Variants in SPOCK3 observed in about 807,000 individuals in gnomAD.
SPOCK3 encodes testican-3.
A neutral mutation model predicts 56.6 loss-of-function variants in SPOCK3; 30 were observed. The observed-to-expected ratio is 0.53, with a 90% CI of 0.40 to 0.72. The LOEUF (loss-of-function observed/expected upper bound fraction) is 0.72, where lower values mean the gene tolerates loss of function less well. SPOCK3 is among the 30% of genes least tolerant of loss of function. The pLI is 0.00. For missense variants in SPOCK3, 527 were observed against 530.0 expected (o/e 0.99, Z 0.06); for synonymous variants, 196 against 183.3 (o/e 1.07, Z -0.56).
At chr4:167,071,241 TTTTG>T (rs1350529097) in intron 2 of SPOCK3, among the ~76,000 whole-genome samples, 12 of 152,022 alleles carry the variant, frequency 7.9e-5, no homozygotes, top group East Asian at 2.0e-4. Flanking sequence ...ATTAAGAATC[TTTTG>T]TTTGTTTTAT....
At chr4:167,128,509 G>T (rs186145741) in intron 2 of SPOCK3, among the ~76,000 whole-genome samples, 1 of 152,030 alleles carries the variant, frequency 6.6e-6, no homozygotes, top group Non-Finnish European at 1.5e-5. Context: ...GCCCATTCCC[G>T]TATAGCATAT....
At chr4:166,755,282 C>T (rs1736924231) in intron 7 of SPOCK3, among the ~76,000 whole-genome samples, 2 of 151,972 alleles carry the variant, frequency 1.3e-5, no homozygotes, top group Non-Finnish European at 2.9e-5. Context: ...TTTACACAGC[C>T]ACTTGGTCTC....
At chr4:167,199,689 GAAAT>G (rs970383255) in intron 2 of SPOCK3, among the ~76,000 whole-genome samples, 12 of 131,528 alleles carry the variant, frequency 9.1e-5, no homozygotes, top group African/African-American at 3.5e-4. Flanking sequence ...TATAATGTGT[GAAAT>G]AAATAATAAT....
chr4:167,220,443 A>ATCACGGC (rs112552163), intron 2 of SPOCK3, among the ~76,000 whole-genome samples: 24,201 of 146,480 alleles, frequency 0.17, 2,281 homozygotes, highest in Admixed American at 0.25. Context: ...CAGTGGTGTG[A>ATCACGGC]TCACGGCTCA....
chr4:167,009,207 AGGCTAGGATCT>A (rs1056363004), intron 3 of SPOCK3, among the ~76,000 whole-genome samples: 153 of 152,226 alleles, frequency 1.0e-3, no homozygotes, highest in African/African-American at 3.5e-3. Context: ...ACTAAACCAT[AGGCTAGGATCT>A]GGCAATTTTA....
At chr4:167,122,964 T>TA (rs35809046) in intron 2 of SPOCK3, among the ~76,000 whole-genome samples, 17 of 148,246 alleles carry the variant, frequency 1.1e-4, no homozygotes, top group East Asian at 7.9e-4. Context: ...AATAATTAAA[T>TA]AAAAAAAAAT....
At chr4:166,954,160 C>T (rs953635751) in intron 4 of SPOCK3, among the ~76,000 whole-genome samples, 3 of 152,058 alleles carry the variant, frequency 2.0e-5, no homozygotes, top group Admixed American at 2.0e-4. Context: ...TATCTGAGTT[C>T]CTTTTATAAT....
At chr4:167,076,113 C>A (rs765326506) in intron 2 of SPOCK3, among the ~76,000 whole-genome samples, 9 of 151,816 alleles carry the variant, frequency 5.9e-5, no homozygotes, top group Non-Finnish European at 1.3e-4. Context: ...ACTATGGAGG[C>A]ATGAAAAGAT....
At chr4:166,795,413 C>T (rs867748286) in intron 6 of SPOCK3, among the ~76,000 whole-genome samples, 2 of 152,196 alleles carry the variant, frequency 1.3e-5, no homozygotes, top group African/African-American at 4.8e-5. Context: ...TCAGTAACTT[C>T]CATAAGCCCA....
At chr4:166,855,830 A>G (rs555435931) in intron 6 of SPOCK3, among the ~76,000 whole-genome samples, 7 of 152,278 alleles carry the variant, frequency 4.6e-5, no homozygotes, top group Middle Eastern at 3.4e-3. Context: ...CCAAGTTTCT[A>G]ACACTTTCTC....
At chr4:166,779,083 G>C (rs1739890013) in intron 7 of SPOCK3, among the ~76,000 whole-genome samples, 1 of 152,076 alleles carries the variant, frequency 6.6e-6, no homozygotes. Flanking sequence ...CTAGAACACT[G>C]AATTGAGATT....
At chr4:166,897,313 C>T (rs1169145565) in intron 5 of SPOCK3, among the ~76,000 whole-genome samples, 1 of 151,966 alleles carries the variant, frequency 6.6e-6, no homozygotes, top group Admixed American at 6.6e-5. Context: ...CACTGGCAGC[C>T]TTTTGTTCTG....
intron 2 of SPOCK3, among the ~76,000 whole-genome samples, chr4:167,130,299 A>T (rs1762601266): frequency 1.3e-5 from 2 of 152,154 alleles, no homozygotes; most frequent in South Asian, 4.1e-4. Context: ...AGATTGTTTT[A>T]ATTTTTAATT....
At chr4:166,872,817 TG>T (rs1326330890) in intron 6 of SPOCK3, among the ~76,000 whole-genome samples, 3 of 152,184 alleles carry the variant, frequency 2.0e-5, no homozygotes, top group Non-Finnish European at 4.4e-5. Flanking sequence ...CTCATGATTC[TG>T]GTGGTTGGCA....
At chr4:167,171,036 G>A (rs1038899607) in intron 2 of SPOCK3, among the ~76,000 whole-genome samples, 4 of 152,086 alleles carry the variant, frequency 2.6e-5, no homozygotes, top group Non-Finnish European at 5.9e-5. Flanking sequence ...AAATTATCAA[G>A]AGGAGAGTAA....
chr4:167,124,881 G>A (rs1184353628), intron 2 of SPOCK3, among the ~76,000 whole-genome samples: 2 of 151,930 alleles, frequency 1.3e-5, no homozygotes, highest in East Asian at 3.9e-4. Context: ...TTCTCCCCTT[G>A]CTATAGCACA....
intron 6 of SPOCK3, among the ~76,000 whole-genome samples, chr4:166,807,024 C>T (rs564306087): frequency 2.5e-4 from 38 of 151,742 alleles, no homozygotes; most frequent in Non-Finnish European, 2.1e-4. Context: ...ATCTTTATCT[C>T]TCGAAATATT....
intron 6 of SPOCK3, among the ~76,000 whole-genome samples, chr4:166,848,747 G>A (rs1019101576): frequency 1.3e-5 from 2 of 152,134 alleles, no homozygotes; most frequent in Non-Finnish European, 2.9e-5. Flanking sequence ...CCAACAAGCC[G>A]GCCAGTGTTT....
At chr4:167,214,316 A>G (rs1220063671) in intron 2 of SPOCK3, among the ~76,000 whole-genome samples, 1 of 152,156 alleles carries the variant, frequency 6.6e-6, no homozygotes, top group Non-Finnish European at 1.5e-5. Context: ...AAGTAACTAT[A>G]TAGCATAGAT....
Sources: allele counts gnomAD v4.1 joint callset (sites outside exome capture counted in the v4.1 genomes callset), GRCh38; gene constraint gnomAD v4.1.1; transcripts MANE v1.5; gene names NCBI Gene and HGNC (gene_info 2026-07-23, HGNC 2026-07-21).